TTC29: variants seen among roughly 807,000 people sequenced by gnomAD.
The protein encoded by TTC29 is tetratricopeptide repeat protein 29.
A neutral mutation model predicts 58.1 loss-of-function variants in TTC29; 49 were observed. The ratio of observed to expected loss-of-function variants is 0.84; its 90% CI spans 0.67 to 1.07. The LOEUF (loss-of-function observed/expected upper bound fraction) is 1.07, where lower values mean the gene tolerates loss of function less well. Ranked by LOEUF, TTC29 falls within the 50% of genes least tolerant of loss-of-function variation. TTC29 has a pLI of 0.00. For missense variants in TTC29, 582 were observed against 555.6 expected, an observed-to-expected ratio of 1.05 and a Z score of -0.48; for synonymous variants, 209 against 196.8, an observed-to-expected ratio of 1.06 and a Z score of -0.52.
chr4:146,837,368 C>T (rs1479647634), intron 8 of TTC29, among the ~76,000 whole-genome samples: 1 of 151,868 alleles, frequency 6.6e-6, no homozygotes, highest in Non-Finnish European at 1.5e-5. Flanking sequence ...GGAGGAGGAA[C>T]AAGACCAGAA....
intron 11 of TTC29, among the ~76,000 whole-genome samples, chr4:146,777,480 T>C (rs560564907): frequency 6.6e-6 from 1 of 152,308 alleles, no homozygotes; most frequent in African/African-American, 2.4e-5. Flanking sequence ...TATGTTCTAA[T>C]AACTAAGATG....
rs938739027 is a variant in TTC29 at position 146,865,082 on chromosome 4, C to T, written c.885+2416G>A. Among the ~76,000 whole-genome samples the T allele has an allele frequency of 2.6e-5, 4 of 152,250 alleles. No individual in the cohort carries two copies. The East Asian group carries it at 7.7e-4, about 29-fold the overall frequency. ...TGTAGGGACTTAAGCTTCACATATA[C>T]TTTCAGAGAAACAATTTCAATACTC... On this transcript the variant is annotated intron_variant, in intron 8 of 12. Coordinates refer to ENST00000325106, the MANE Select transcript of TTC29 (RefSeq NM_031956.4).
chr4:146,920,566 ATT>A (rs1300406062), intron 4 of TTC29, among the ~76,000 whole-genome samples: 2 of 151,024 alleles, frequency 1.3e-5, no homozygotes, highest in Non-Finnish European at 3.0e-5. Flanking sequence ...CTGCATGTGT[ATT>A]TCTCTTACTA....
intron 11 of TTC29, among the ~76,000 whole-genome samples, chr4:146,720,360 C>G (rs566689982): frequency 1.3e-5 from 2 of 152,124 alleles, no homozygotes; most frequent in South Asian, 4.2e-4. Context: ...AAAGAAAAAC[C>G]CCCAGAAGGC....
chr4:146,850,698 G>A (rs1729461124), intron 8 of TTC29, among the ~76,000 whole-genome samples: 1 of 152,264 alleles, frequency 6.6e-6, no homozygotes, highest in East Asian at 1.9e-4. Flanking sequence ...CCATTCCTAT[G>A]TAACATATTA....
chr4:146,836,448 G>T (rs139147158), intron 8 of TTC29, among the ~76,000 whole-genome samples: 136 of 152,198 alleles, frequency 8.9e-4, no homozygotes, highest in African/African-American at 3.1e-3. Flanking sequence ...TGATCCTCAG[G>T]AACATGAGCT....
intron 8 of TTC29, among the ~76,000 whole-genome samples, chr4:146,847,023 A>G (rs750842923): frequency 1.3e-5 from 2 of 152,170 alleles, no homozygotes; most frequent in African/African-American, 2.4e-5. Flanking sequence ...AAAATAAAAC[A>G]TGGTAGGAAA....
intron 8 of TTC29, among the ~76,000 whole-genome samples, chr4:146,836,617 C>G (rs1437657267): frequency 6.6e-6 from 1 of 152,042 alleles, no homozygotes; most frequent in Non-Finnish European, 1.5e-5. Flanking sequence ...CATGATACTA[C>G]AAATTCTGTA....
intron 11 of TTC29, among the ~76,000 whole-genome samples, chr4:146,784,401 C>T (rs528831089): frequency 6.6e-6 from 1 of 152,184 alleles, no homozygotes; most frequent in South Asian, 2.1e-4. Flanking sequence ...TCACCTACTC[C>T]TTGTGGCCTT....
intron 4 of TTC29, among the ~76,000 whole-genome samples, chr4:146,925,216 C>CACCT (rs1734847065): frequency 6.6e-6 from 1 of 152,008 alleles, no homozygotes; most frequent in Admixed American, 6.6e-5. Context: ...GTGTCAATTA[C>CACCT]TTAAGGTGAT....
intron 11 of TTC29, among the ~76,000 whole-genome samples, chr4:146,757,236 TGTA>T (rs941485128): frequency 3.3e-5 from 5 of 152,052 alleles, no homozygotes; most frequent in African/African-American, 1.2e-4. Flanking sequence ...GTTCCCTTGA[TGTA>T]GTACTCTCCC....
chr4:146,865,712 T>A (rs1258796258), intron 8 of TTC29, among the ~76,000 whole-genome samples: 1 of 152,118 alleles, frequency 6.6e-6, no homozygotes, highest in Non-Finnish European at 1.5e-5. Flanking sequence ...AATAATGGTA[T>A]ATTATATACT....
chr4:146,755,374 T>TA (rs1484823554), intron 11 of TTC29, among the ~76,000 whole-genome samples: 1 of 152,176 alleles, frequency 6.6e-6, no homozygotes, highest in Non-Finnish European at 1.5e-5. Flanking sequence ...AAAACAATCT[T>TA]AAAATTTGTG....
intron 8 of TTC29, 62 bp from the exon 9 acceptor site, chr4:146,833,959 T>A: frequency 8.7e-7 from 1 of 1,153,404 alleles, no homozygotes; most frequent in Admixed American, 2.5e-5. Context: ...ATGTTTCATT[T>A]CATAACAGAA....
rs1490814853 is a variant in TTC29 at position 146,706,902 on chromosome 4, G to C, written c.*256C>G. ...TGGTATCACTATTTCTTGTGGAATA[G>C]TGGATAAGAGGAAATCATTTATTTC... On this transcript the variant is annotated 3_prime_UTR_variant, in exon 13 of 13. Transcript: ENST00000325106. 1 of 315,960 alleles carries C rather than the reference G, an allele frequency of 3.2e-6. No individual in the cohort carries two copies. The highest frequency in any genetic ancestry group is 2.1e-5 in the African/African-American group (1 of 46,678). The allele number at this position is 315,960 out of a possible 1,614,324, so 19.6% of individuals were successfully genotyped here.
chr4:146,811,236 C>T (rs751101362), intron 10 of TTC29, among the ~76,000 whole-genome samples: 7 of 152,126 alleles, frequency 4.6e-5, no homozygotes, highest in Non-Finnish European at 1.0e-4. Context: ...GGGGCCAATG[C>T]TAAATACTTC....
chr4:146,747,226 A>G (rs188018830), intron 11 of TTC29, among the ~76,000 whole-genome samples: 5 of 152,210 alleles, frequency 3.3e-5, no homozygotes, highest in Non-Finnish European at 7.4e-5. Flanking sequence ...GGAGCTCATG[A>G]TGTGTCCTGC....
intron 6 of TTC29, among the ~76,000 whole-genome samples, chr4:146,882,820 T>G (rs1032307649): frequency 6.6e-6 from 1 of 152,198 alleles, no homozygotes; most frequent in Middle Eastern, 3.4e-3. Context: ...ACGTGTTATT[T>G]TGGATATTAC....
intron 2 of TTC29, among the ~76,000 whole-genome samples, chr4:146,944,778 C>A (rs1389337871): frequency 1.3e-5 from 2 of 151,336 alleles, no homozygotes; most frequent in East Asian, 3.9e-4. Flanking sequence ...TTAATGAAAA[C>A]TACAGAAGAA....
Sources: gnomAD v4.1 joint callset for allele counts (sites outside exome capture counted in the v4.1 genomes callset) on GRCh38, gnomAD v4.1.1 for gene constraint, MANE v1.5 for transcripts, NCBI Gene and HGNC (gene_info 2026-07-23, HGNC 2026-07-21) for gene names.